Variants in ZNF782 observed in about 807,000 individuals in gnomAD.
ZNF782 encodes the protein zinc finger protein 782.
Under a neutral mutation model 13.0 loss-of-function variants are expected in ZNF782, and 12 were observed. The observed-to-expected ratio is 0.92, with a 90% CI of 0.59 to 1.50. The LOEUF (loss-of-function observed/expected upper bound fraction) is 1.50. ZNF782 is among the 40% of genes most tolerant of loss of function. The pLI, the probability that ZNF782 is intolerant of heterozygous loss-of-function variation, is 0.00. For synonymous variants in ZNF782, 284 were observed against 283.0 expected, an observed-to-expected ratio of 1.00 and a Z score of -0.04; for missense variants, 770 against 822.9, an observed-to-expected ratio of 0.94 and a Z score of 0.79.
chr9:96,841,643 A>G (rs1851193123), intron 4 of ZNF782, among the ~76,000 whole-genome samples: 4 of 151,998 alleles, frequency 2.6e-5, no homozygotes, highest in South Asian at 2.1e-4. Context: ...ACAGCAGTAT[A>G]TACATAAAAA....
At chr9:96,888,324 A>T in the ZNF782 span, 1 of 152,206 alleles carries the variant, frequency 6.6e-6, no homozygotes, top group Admixed American at 6.5e-5. Context: ...AATGATTTTT[A>T]AAAATTAATT....
intron 2 of ZNF782, among the ~76,000 whole-genome samples, chr9:96,852,418 C>T (rs191920640): frequency 6.6e-6 from 1 of 152,148 alleles, no homozygotes; most frequent in East Asian, 1.9e-4. Flanking sequence ...AGAGGGAGGA[C>T]AGCTTGAGCT....
At chr9:96,824,799 T>C (rs1388330993) in intron 5 of ZNF782, among the ~76,000 whole-genome samples, 1 of 149,198 alleles carries the variant, frequency 6.7e-6, no homozygotes, top group Non-Finnish European at 1.5e-5. Context: ...TGAACTCCCA[T>C]TCACAACTGC....
chr9:96,888,179 A>G, the ZNF782 span: 2 of 150,488 alleles, frequency 1.3e-5, 1 homozygote, highest in Middle Eastern at 6.8e-3. Context: ...AAAAAAAGAA[A>G]AAAAAAAAGA....
chr9:96,907,630 AGT>A, the ZNF782 span, among the ~76,000 whole-genome samples: 2 of 150,028 alleles, frequency 1.3e-5, no homozygotes, highest in African/African-American at 5.0e-5. Flanking sequence ...GTAACTTGAT[AGT>A]GTCTTTTTGT....
upstream of ZNF782, among the ~76,000 whole-genome samples, chr9:96,879,569 C>T (rs1851937948): frequency 6.6e-6 from 1 of 152,140 alleles, no homozygotes; most frequent in South Asian, 2.1e-4. Context: ...TTTTACAAAG[C>T]CTGGGCAGAG....
the ZNF782 span, among the ~76,000 whole-genome samples, chr9:96,914,100 A>G: frequency 1.3e-5 from 2 of 151,428 alleles, no homozygotes; most frequent in South Asian, 2.1e-4. Flanking sequence ...TTGCATTATT[A>G]TTATTTTTTT....
chr9:96,901,008 A>T, the ZNF782 span, among the ~76,000 whole-genome samples: 1 of 147,050 alleles, frequency 6.8e-6, no homozygotes, highest in South Asian at 2.1e-4. Flanking sequence ...AAAAATACAA[A>T]AATTAGCTGG....
the ZNF782 span, among the ~76,000 whole-genome samples, chr9:96,901,207 A>C: frequency 6.6e-6 from 1 of 152,074 alleles, no homozygotes; most frequent in Non-Finnish European, 1.5e-5. Context: ...TTGACAGTAA[A>C]TAATTTGTAA....
At chr9:96,910,676 A>G in the ZNF782 span, among the ~76,000 whole-genome samples, 3 of 150,456 alleles carry the variant, frequency 2.0e-5, no homozygotes, top group Admixed American at 6.6e-5. Flanking sequence ...TTGCTCTGTC[A>G]CCCAGGCTGG....
intron 3 of ZNF782, among the ~76,000 whole-genome samples, chr9:96,849,910 C>G (rs2118788205): frequency 6.6e-6 from 1 of 152,204 alleles, no homozygotes; most frequent in African/African-American, 2.4e-5. Flanking sequence ...AAAAAAAATG[C>G]TCAACATCGC....
At chr9:96,843,705 A>AAACTGAAATACTGAGGTATAAATAT (rs1851257280) in intron 4 of ZNF782, among the ~76,000 whole-genome samples, 1 of 152,216 alleles carries the variant, frequency 6.6e-6, no homozygotes, top group African/African-American at 2.4e-5. Context: ...TATAGTTATA[A>AAACTGAAATACTGAGGTATAAATAT]AACATGTAAC....
At chr9:96,824,861 C>T (rs1199915952) in intron 5 of ZNF782, among the ~76,000 whole-genome samples, 1 of 148,748 alleles carries the variant, frequency 6.7e-6, no homozygotes, top group Non-Finnish European at 1.5e-5. Context: ...ATGTGAAGGA[C>T]CTCTTCAAGG....
At chr9:96,878,509 C>T (rs1314823185), upstream of ZNF782, among the ~76,000 whole-genome samples, 1 of 152,228 alleles carries the variant, frequency 6.6e-6, no homozygotes, top group Non-Finnish European at 1.5e-5. Flanking sequence ...TGATGCCTAA[C>T]TCTGCACTTT....
the ZNF782 span, among the ~76,000 whole-genome samples, chr9:96,883,051 C>CT: frequency 3.3e-5 from 5 of 152,144 alleles, no homozygotes; most frequent in African/African-American, 1.2e-4. Context: ...AGACAGAATT[C>CT]TGCAAGACAA....
At chr9:96,857,365 T>C (rs2118850732), upstream of ZNF782, among the ~76,000 whole-genome samples, 1 of 152,306 alleles carries the variant, frequency 6.6e-6, no homozygotes, top group East Asian at 1.9e-4. Flanking sequence ...GACCTATGAT[T>C]GTGATATGGC....
intron 4 of ZNF782, among the ~76,000 whole-genome samples, chr9:96,841,168 T>C (rs969972170): frequency 2.0e-5 from 3 of 151,972 alleles, no homozygotes; most frequent in African/African-American, 7.2e-5. Flanking sequence ...AATGGACTCA[T>C]TGTTAGAAAA....
the ZNF782 span, chr9:96,895,770 C>G: frequency 6.6e-6 from 1 of 152,008 alleles, no homozygotes. Context: ...TGCAGTGGGT[C>G]GTCTTGTTAT....
At chr9:96,930,872 GTTTTTTTTTTTTTTTTTTTTTTTT>G in the ZNF782 span, among the ~76,000 whole-genome samples, 8,074 of 72,468 alleles carry the variant, frequency 0.11, 419 homozygotes, top group Non-Finnish European at 0.14. Flanking sequence ...CCATCCAGTG[GTTTTTTTTTTTTTTTTTTTTTTTT>G]TTTTTTTTTT....
Sources: gnomAD v4.1 joint callset for allele counts (sites outside exome capture counted in the v4.1 genomes callset) on GRCh38, gnomAD v4.1.1 for gene constraint, MANE v1.5 for transcripts, NCBI Gene and HGNC (gene_info 2026-07-23, HGNC 2026-07-21) for gene names.